The following EXOC6B variants were observed in gnomAD, a reference collection of about 807,000 sequenced individuals.
The protein encoded by EXOC6B is SEC15 homolog B.
Under a neutral mutation model 113.5 loss-of-function variants are expected in EXOC6B, and 54 were observed. That is an observed-to-expected ratio of 0.48 (90% CI 0.38 to 0.60). EXOC6B has a LOEUF of 0.60. EXOC6B is among the 20% of genes least tolerant of loss of function. EXOC6B has a pLI of 0.00. For synonymous variants in EXOC6B, 357 were observed against 339.0 expected (o/e 1.05, Z -0.58); for missense variants, 797 against 977.5 (o/e 0.82, Z 2.46).
At chr2:72,717,618 T>A (rs1308822463) in intron 6 of EXOC6B, among the ~76,000 whole-genome samples, 1 of 152,212 alleles carries the variant, frequency 6.6e-6, no homozygotes, top group East Asian at 1.9e-4. Flanking sequence ...AAGCTGTTAA[T>A]AAATCCTTTT....
chr2:72,420,117 A>G (rs888357420), intron 18 of EXOC6B, among the ~76,000 whole-genome samples: 3 of 152,076 alleles, frequency 2.0e-5, no homozygotes, highest in African/African-American at 7.2e-5. Flanking sequence ...TATGTATTAT[A>G]CTTTTCAGTT....
chr2:72,805,287 T>C (rs1685521129), intron 1 of EXOC6B, among the ~76,000 whole-genome samples: 1 of 152,214 alleles, frequency 6.6e-6, no homozygotes. Flanking sequence ...TTCTGACTTA[T>C]TTTACTAAGT....
At chr2:72,773,120 C>CTTTTTTTTTTTTTTTTT (rs1254377634) in intron 1 of EXOC6B, among the ~76,000 whole-genome samples, 10 of 94,892 alleles carry the variant, frequency 1.1e-4, no homozygotes, top group African/African-American at 4.7e-4. Flanking sequence ...CTTAGATTTT[C>CTTTTTTTTTTTTTTTTT]TTTTTTTTTT....
intron 8 of EXOC6B, among the ~76,000 whole-genome samples, chr2:72,532,040 A>T (rs1296381259): frequency 1.3e-5 from 2 of 152,196 alleles, no homozygotes; most frequent in Non-Finnish European, 1.5e-5. Context: ...GATTTGCTAT[A>T]AGCTCCAAAG....
intron 18 of EXOC6B, among the ~76,000 whole-genome samples, chr2:72,435,099 C>T (rs374815656): frequency 2.6e-5 from 4 of 152,034 alleles, no homozygotes; most frequent in East Asian, 3.8e-4. Context: ...GATTCTGGTA[C>T]GTTGTGTCTT....
intron 20 of EXOC6B, among the ~76,000 whole-genome samples, chr2:72,312,808 AAAAAAAC>A (rs1481060111): frequency 6.6e-6 from 1 of 151,590 alleles, no homozygotes. Context: ...ACCAAAAAAA[AAAAAAAC>A]AAAAAACAAA....
At chr2:72,250,971 G>T (rs1682976520) in intron 20 of EXOC6B, among the ~76,000 whole-genome samples, 1 of 151,712 alleles carries the variant, frequency 6.6e-6, no homozygotes, top group African/African-American at 2.4e-5. Flanking sequence ...TGGAGTAGCT[G>T]GGTTAGTTGA....
chr2:72,533,373 C>A (rs1702116225), intron 8 of EXOC6B, among the ~76,000 whole-genome samples: 1 of 152,146 alleles, frequency 6.6e-6, no homozygotes, highest in South Asian at 2.1e-4. Context: ...AAAAATAAAT[C>A]CTTAGGATGA....
intron 1 of EXOC6B, among the ~76,000 whole-genome samples, chr2:72,794,849 T>C (rs1684858387): frequency 6.6e-6 from 1 of 152,092 alleles, no homozygotes; most frequent in Non-Finnish European, 1.5e-5. Context: ...ACAGAAGAGA[T>C]GCCATCTCAC....
chr2:72,631,856 C>T (rs1014345948), intron 6 of EXOC6B, among the ~76,000 whole-genome samples: 1 of 152,002 alleles, frequency 6.6e-6, no homozygotes, highest in African/African-American at 2.4e-5. Context: ...AAAGAAAATG[C>T]ACAAACACAT....
intron 20 of EXOC6B, among the ~76,000 whole-genome samples, chr2:72,217,876 TA>T (rs2104413318): frequency 6.6e-6 from 1 of 152,316 alleles, no homozygotes; most frequent in South Asian, 2.1e-4. Flanking sequence ...AAGCATTTAG[TA>T]AGTAATAGCA....
chr2:72,197,067 G>A (rs1338648656), intron 20 of EXOC6B, among the ~76,000 whole-genome samples: 4 of 152,180 alleles, frequency 2.6e-5, no homozygotes, highest in Non-Finnish European at 5.9e-5. Flanking sequence ...ACTAGTGGAA[G>A]CAAAGGAGCA....
chr2:72,559,473 G>C lies in EXOC6B; in HGVS notation c.895C>G (p.Leu299Val). Residue 299 changes from leucine (L) to valine (V), a missense_variant, in exon 8 of 22, where the codon CTA becomes GTA. By Grantham distance (32) the Leu-to-Val change is conservative. Coordinates refer to ENST00000272427, the MANE Select transcript of EXOC6B (RefSeq NM_015189.3). ...CTCACCAGGACAGAATATATATGTA[G>C]ACATCGATAAACTGGAGAGAAATCC... is the stretch of plus-strand genomic sequence containing the variant. ...LVDFSPVYRC[L>V]HIYSVLGARE... The C allele has an allele frequency of 6.2e-7, 1 of 1,612,546 alleles. No individual in the cohort carries two copies. Among genetic ancestry groups the C allele is most frequent in the Non-Finnish European group, 8.5e-7 (1 of 1,179,256 alleles).
chr2:72,287,084 A>C (rs955239251), intron 20 of EXOC6B, among the ~76,000 whole-genome samples: 1 of 152,086 alleles, frequency 6.6e-6, no homozygotes, highest in Non-Finnish European at 1.5e-5. Context: ...AAGGATAGCA[A>C]ACTACTATTG....
chr2:72,550,913 T>A (rs867756002), intron 8 of EXOC6B, among the ~76,000 whole-genome samples: 37 of 149,116 alleles, frequency 2.5e-4, no homozygotes, highest in Admixed American at 6.6e-4. Context: ...CATTTATTTT[T>A]TTTTTATTTT....
intron 2 of EXOC6B, among the ~76,000 whole-genome samples, chr2:72,739,282 C>T (rs965919425): frequency 1.3e-5 from 2 of 152,130 alleles, no homozygotes; most frequent in East Asian, 1.9e-4. Context: ...TAAGTATTGA[C>T]ACCTTATTGT....
chr2:72,312,800 C>CAA (rs11288459), intron 20 of EXOC6B, among the ~76,000 whole-genome samples: 4 of 113,446 alleles, frequency 3.5e-5, no homozygotes, highest in Admixed American at 9.2e-5. Context: ...AAACGACAAC[C>CAA]AAAAAAAAAA....
At chr2:72,567,579 T>C (rs1342267582) in intron 7 of EXOC6B, among the ~76,000 whole-genome samples, 1 of 152,100 alleles carries the variant, frequency 6.6e-6, no homozygotes, top group Non-Finnish European at 1.5e-5. Flanking sequence ...GTATACCTAA[T>C]GCCCATGTTA....
In EXOC6B at chr2:72,335,252, AT is replaced by A. The variant is rs1269236238; in HGVS notation, c.2123-233del. ...GGAAACTGTACTAATTCGACCTGAA[AT>A]TTATTCCCATGAGCTGCGCTGGGCT... is the stretch of plus-strand genomic sequence containing the variant. On this transcript the variant is annotated intron_variant, in intron 19 of 21. Transcript: ENST00000272427. The A allele has an allele frequency of 1.0e-5, 5 of 491,910 alleles. No homozygotes were observed. In the East Asian group the frequency reaches 1.8e-4, roughly 17 times the overall value. 30.5% of individuals were successfully genotyped at this position (491,910 alleles called of 1,614,324 possible). A position where few individuals can be genotyped will look rare whatever the true frequency, so the allele number is the denominator to read the frequency against.
Sources: allele counts gnomAD v4.1 joint callset (sites outside exome capture counted in the v4.1 genomes callset), GRCh38; gene constraint gnomAD v4.1.1; transcripts MANE v1.5; gene names NCBI Gene and HGNC (gene_info 2026-07-23, HGNC 2026-07-21).